SCG3: variants seen among roughly 807,000 people sequenced by gnomAD.
SCG3 encodes the protein secretogranin-3.
A neutral mutation model predicts 56.2 loss-of-function variants in SCG3; 38 were observed. The observed-to-expected ratio is 0.68, with a 90% CI of 0.52 to 0.89. SCG3 has a LOEUF of 0.89. Among genes scored for constraint, SCG3 ranks in the 40% least tolerant of loss-of-function variants. The pLI, the probability that SCG3 is intolerant of heterozygous loss-of-function variation, is 0.00. For missense variants in SCG3, 524 were observed against 540.7 expected (o/e 0.97, Z 0.31); for synonymous variants, 176 against 184.2 (o/e 0.96, Z 0.36).
chr15:51,696,109 C>T (rs2055301907), intron 8 of SCG3, 118 bp downstream of exon 8: 1 of 721,782 alleles, frequency 1.4e-6, no homozygotes, highest in East Asian at 2.5e-5. Context: ...TTCCAAATCA[C>T]CAAGAATCGA....
Position 51,692,652 on chromosome 15 carries a change from T to C in SCG3, c.868+316T>C, listed in dbSNP as rs571921469. Among the ~76,000 whole-genome samples the C allele has an allele frequency of 2.6e-5, 4 of 152,344 alleles. No individual in the cohort carries two copies. The South Asian group carries it at 8.3e-4, about 32-fold the overall frequency. ...AAAAGACCTAGCACAAAGATGGATA[T>C]GAACCAGGCAGTGTCCTTGCTCTGA... is the stretch of plus-strand genomic sequence containing the variant. On this transcript the variant is annotated intron_variant, in intron 7 of 11. Coordinates refer to ENST00000220478, the MANE Select transcript of SCG3 (RefSeq NM_013243.4).
intron 8 of SCG3, among the ~76,000 whole-genome samples, chr15:51,698,866 G>T (rs900641251): frequency 2.6e-5 from 4 of 152,160 alleles, no homozygotes; most frequent in African/African-American, 9.7e-5. Flanking sequence ...GCTCCTCCTT[G>T]AATTATAGCC....
intron 8 of SCG3, among the ~76,000 whole-genome samples, chr15:51,698,519 A>G (rs1311013922): frequency 6.6e-6 from 1 of 152,242 alleles, no homozygotes; most frequent in Non-Finnish European, 1.5e-5. Flanking sequence ...TTCCTTATGA[A>G]TTAGTGAAAG....
At position 51,711,986 on chromosome 15, in the gene SCG3, T is replaced by C. The variant is rs538114342; in HGVS notation, c.1208-1347T>C. Among the ~76,000 whole-genome samples, 6 of 152,298 alleles carry C rather than the reference T, an allele frequency of 3.9e-5. No individual in the cohort carries two copies. The South Asian group carries it at 1.0e-3, about 26-fold the overall frequency. Reference sequence around the variant, plus strand: ...GGGCAATTGGAACATGGGCAACTCTTAGGGCAGTGTTATTGTACATGGACT... The same window carrying C: ...GGGCAATTGGAACATGGGCAACTCTCAGGGCAGTGTTATTGTACATGGACT... On this transcript the variant is annotated intron_variant, in intron 10 of 11. Coordinates refer to ENST00000220478, the MANE Select transcript of SCG3 (RefSeq NM_013243.4).
chr15:51,713,203 T>C (rs1487125463), intron 10 of SCG3, 130 bp from the exon 11 acceptor site: 10 of 633,296 alleles, frequency 1.6e-5, no homozygotes, highest in Non-Finnish European at 2.8e-5. Flanking sequence ...GTACATTACC[T>C]AGTTAGGGAA....
In SCG3 at chr15:51,704,244, CATATATATAT is replaced by C. The variant is rs750951935; in HGVS notation, c.1207+3026_1207+3035del. 3.5e-3 allele frequency among the ~76,000 whole-genome samples: 255 copies of C among 73,628 alleles called. 5 individuals carry two copies. The highest frequency in any genetic ancestry group is 7.3e-3 in the Admixed American group (41 of 5,588). 48.3% of individuals were successfully genotyped at this position (73,628 alleles called of 152,430 possible). A position where few individuals can be genotyped will look rare whatever the true frequency, so the allele number is the denominator to read the frequency against. ...ATATGTGTGTATACATACATACATACATATATATATATATATATATATATATATATATATA... is the reference window on the plus strand; with the variant it reads ...ATATGTGTGTATACATACATACATACATATATATATATATATATATATATA... On this transcript the variant is annotated intron_variant, in intron 10 of 11. Transcript: ENST00000220478.
In SCG3 at chr15:51,690,412, C is replaced by T. The variant is rs573653111; in HGVS notation, c.690+1044C>T. 7.1e-4 allele frequency among the ~76,000 whole-genome samples: 108 copies of T among 152,274 alleles called. 1 individual carries two copies. Among genetic ancestry groups the T allele is most frequent in the Admixed American group, 2.0e-3 (31 of 15,296 alleles). ...TCCTTTGATTTTCCTCTGTAAAGCA[C>T]CCAGACCCATGGCTCCTCATCTCCT... On this transcript the variant is annotated intron_variant, in intron 6 of 11. Transcript: ENST00000220478.
intron 1 of SCG3, 95 bp from the exon 2 acceptor site, chr15:51,682,422 A>G (rs932070156): frequency 1.8e-5 from 11 of 602,924 alleles, no homozygotes; most frequent in Non-Finnish European, 3.2e-5. Context: ...TATTTCTCCT[A>G]ATATTTTTCC....
intron 10 of SCG3, 151 bp downstream of exon 10, chr15:51,701,395 T>C: frequency 1.4e-6 from 1 of 727,626 alleles, no homozygotes; most frequent in South Asian, 2.5e-5. Flanking sequence ...GTATCTTTAT[T>C]TGAATAGCAA....
At chr15:51,688,142 T>A in intron 4 of SCG3, 118 bp from the exon 5 acceptor site, 1 of 1,002,280 alleles carries the variant, frequency 1.0e-6, no homozygotes. Context: ...AGAACCACCA[T>A]AAATACATTT....
intron 10 of SCG3, among the ~76,000 whole-genome samples, chr15:51,702,048 C>T (rs185951011): frequency 1.3e-5 from 2 of 152,184 alleles, no homozygotes; most frequent in East Asian, 3.9e-4. Flanking sequence ...CAAACCTGCA[C>T]ATTGTGCACA....
At chr15:51,689,085 G>A (rs2055249186) in intron 5 of SCG3, 134 bp from the exon 6 acceptor site, 1 of 947,356 alleles carries the variant, frequency 1.1e-6, no homozygotes, top group Admixed American at 2.2e-5. Context: ...AGGCGTAAGT[G>A]AGGGCTGTCT....
Position 51,683,451 on chromosome 15 carries a change from G to T in SCG3, c.397+17G>T, listed in dbSNP as rs746733048. 2 of 1,548,156 alleles carry T rather than the reference G, an allele frequency of 1.3e-6. No homozygotes were observed. Among genetic ancestry groups the T allele is most frequent in the African/African-American group, 1.4e-5 (1 of 72,054 alleles). On this transcript the variant is annotated intron_variant, in intron 4 of 11. Coordinates refer to ENST00000220478, the MANE Select transcript of SCG3 (RefSeq NM_013243.4). The stretch of plus-strand genomic sequence containing the variant: ...AATTTCAAGGTAAATGAGAAAAAAA[G>T]AACTTTTTGTTAACGTGGAGTTTCC...
chr15:51,704,369 A>G (rs2082131792), intron 10 of SCG3, among the ~76,000 whole-genome samples: 1 of 149,654 alleles, frequency 6.7e-6, no homozygotes, highest in Admixed American at 6.7e-5. Flanking sequence ...TTGAGGCCCT[A>G]AGTACATTCA....
intron 4 of SCG3, among the ~76,000 whole-genome samples, chr15:51,687,852 A>C (rs541246304): frequency 1.3e-5 from 2 of 152,332 alleles, no homozygotes; most frequent in African/African-American, 4.8e-5. Context: ...TTACCAAACT[A>C]TCTATTCCCT....
chr15:51,711,221 T>C (rs535469444), intron 10 of SCG3, among the ~76,000 whole-genome samples: 1 of 152,338 alleles, frequency 6.6e-6, no homozygotes, highest in South Asian at 2.1e-4. Flanking sequence ...GAGGGAGGCA[T>C]GAGAGTGGGT....
At chr15:51,711,568 A>C (rs144676255) in intron 10 of SCG3, among the ~76,000 whole-genome samples, 1 of 152,248 alleles carries the variant, frequency 6.6e-6, no homozygotes, top group Admixed American at 6.5e-5. Context: ...GTCTGCACTA[A>C]GATTTCTCTC....
chr15:51,697,132 CTGTGTGTGTGTGTG>C (rs3078107), intron 8 of SCG3, among the ~76,000 whole-genome samples: 6 of 145,924 alleles, frequency 4.1e-5, no homozygotes, highest in African/African-American at 1.3e-4. Context: ...AGATGTTATT[CTGTGTGTGTGTGTG>C]TGTGTGTGTG....
chr15:51,685,270 C>G (rs2055221201), intron 4 of SCG3, among the ~76,000 whole-genome samples: 1 of 152,150 alleles, frequency 6.6e-6, no homozygotes, highest in Admixed American at 6.5e-5. Context: ...TAACTGCATA[C>G]AAAACAGATT....
Sources: gnomAD v4.1 joint callset for allele counts (sites outside exome capture counted in the v4.1 genomes callset) on GRCh38, gnomAD v4.1.1 for gene constraint, MANE v1.5 for transcripts, NCBI Gene and HGNC (gene_info 2026-07-23, HGNC 2026-07-21) for gene names.